Variants in RPS6KA4 observed in about 807,000 individuals in gnomAD.
RPS6KA4 encodes the protein ribosomal protein S6 kinase alpha-4.
A neutral mutation model predicts 89.6 loss-of-function variants in RPS6KA4; 38 were observed. The ratio of observed to expected loss-of-function variants is 0.42; its 90% CI spans 0.33 to 0.56. The LOEUF (loss-of-function observed/expected upper bound fraction) is 0.56. Ranked by LOEUF, RPS6KA4 falls within the 20% of genes least tolerant of loss-of-function variation. RPS6KA4 has a pLI of 0.07. For synonymous variants in RPS6KA4, 495 were observed against 492.8 expected (o/e 1.00, Z -0.06); for missense variants, 873 against 1,098.8 (o/e 0.79, Z 2.90).
chr11:64,369,782 C>CG lies in RPS6KA4; in HGVS notation c.1690dup (p.Val564GlyfsTer73). The CG allele has an allele frequency of 6.2e-7, 1 of 1,610,900 alleles. No individual in the cohort carries two copies. Among genetic ancestry groups the CG allele is most frequent in the Non-Finnish European group, 8.5e-7 (1 of 1,179,242 alleles). On this transcript the variant is annotated frameshift_variant, in exon 14 of 17. Coordinates refer to ENST00000334205, the MANE Select transcript of RPS6KA4 (RefSeq NM_003942.3). LOFTEE classifies it high-confidence loss of function. ...TCGCGCGGTTGCGGCCGCAGAGTCC[C>CG]GGGGTGCCCATGCAGACGCCCTGCT... is the stretch of plus-strand genomic sequence containing the variant.
rs766568715 is a variant in RPS6KA4, at chr11:64,368,176, C to T, written c.1116C>T (p.Asn372=). The T allele has an allele frequency of 5.0e-5, 80 of 1,613,606 alleles. No homozygotes were observed. The Admixed American group carries it at 1.3e-3, about 26-fold the overall frequency. The stretch of plus-strand genomic sequence containing the variant: ...CCTCCATTCTCTTTGACCACAACAA[C>T]GCGGTGATGACCGATGGGCTGGAAG... ...VAPSILFDHN[N]AVMTDGLEAP... is the part of the protein sequence containing the mutation. The change falls in exon 10 of 17, where the codon AAC becomes AAT. Residue 372 remains asparagine (N), a synonymous_variant. Coordinates refer to ENST00000334205, the MANE Select transcript of RPS6KA4 (RefSeq NM_003942.3).
chr11:64,371,312 C>T lies in RPS6KA4; in HGVS notation c.2151C>T (p.Phe717=). 5 of 1,612,846 alleles carry T rather than the reference C, an allele frequency of 3.1e-6. No homozygotes were observed. Among genetic ancestry groups the T allele is most frequent in the Non-Finnish European group, 4.2e-6 (5 of 1,179,938 alleles). Residue 717 remains phenylalanine, a synonymous_variant, in exon 17 of 17, where the codon TTC becomes TTT. Coordinates refer to ENST00000334205, the MANE Select transcript of RPS6KA4 (RefSeq NM_003942.3). ...TCAACCGGGGCAAGCGGGAGGGCTTCTTCCTGAAGAGCGTGGAGAATGCAC... is the reference window on the plus strand; with the variant it reads ...TCAACCGGGGCAAGCGGGAGGGCTTTTTCCTGAAGAGCGTGGAGAATGCAC... The part of the protein sequence containing the change: ...MAFNRGKREG[F]FLKSVENAPL...
intron 11 of RPS6KA4, 30 bp from the exon 12 acceptor site, chr11:64,368,674 G>A (rs1337173055): frequency 6.4e-7 from 1 of 1,573,940 alleles, no homozygotes; most frequent in Non-Finnish European, 8.6e-7. Context: ...GAAGCGCGGC[G>A]ACCGTAACTC....
chr11:64,362,915 C>T (rs2036792757), intron 8 of RPS6KA4, among the ~76,000 whole-genome samples: 1 of 152,208 alleles, frequency 6.6e-6, no homozygotes, highest in Non-Finnish European at 1.5e-5. Flanking sequence ...AAGTGATCCA[C>T]CTGCCTCATC....
rs765300511 is a variant in RPS6KA4 at position 64,369,793 on chromosome 11, T to C, written c.1697T>C (p.Met566Thr). 6.2e-7 allele frequency: 1 copy of C among 1,609,962 alleles called. No individual in the cohort carries two copies. Among genetic ancestry groups the C allele is most frequent in the Non-Finnish European group, 8.5e-7 (1 of 1,178,868 alleles). The stretch of plus-strand genomic sequence containing the variant: ...CGGCCGCAGAGTCCCGGGGTGCCCA[T>C]GCAGACGCCCTGCTTCACGCTGCAG... ...RLRPQSPGVPMQTPCFTLQYA... is the reference protein window; with the variant it reads ...RLRPQSPGVPTQTPCFTLQYA... The change falls in exon 14 of 17, where the codon ATG (methionine) becomes ACG (threonine). Residue 566 changes from methionine (M) to threonine (T), a missense_variant. Met to Thr is a moderately conservative substitution (Grantham distance 81). This residue lies in a region of RPS6KA4 where 542 missense variants were observed against 736.4 expected (regional missense o/e 0.74). Coordinates refer to ENST00000334205, the MANE Select transcript of RPS6KA4 (RefSeq NM_003942.3).
Position 64,368,470 on chromosome 11 carries a change from C to T in RPS6KA4, c.1203C>T (p.Asp401=). Residue 401 remains aspartate, a splice_region_variant and synonymous_variant, in exon 11 of 17, where the codon GAC becomes GAT. Transcript: ENST00000334205. ...TTCGCCTTCGCCTTCGCCTCCAGGA[C>T]TCGCCCTTCTTCCAGCAGTACGAGC... ...AAVARSAMMQ[D]SPFFQQYELD... The T allele has an allele frequency of 6.4e-7, 1 of 1,551,320 alleles. No individual in the cohort carries two copies. The highest frequency in any genetic ancestry group is 1.2e-5 in the South Asian group (1 of 84,176).
intron 9 of RPS6KA4, among the ~76,000 whole-genome samples, chr11:64,366,819 A>G (rs1024086749): frequency 6.6e-6 from 1 of 152,124 alleles, no homozygotes; most frequent in Non-Finnish European, 1.5e-5. Flanking sequence ...TGTGCAGTTT[A>G]TCATGTTGCC....
chr11:64,368,635 T>TGGCAGAGCGCTGTCCCGGGGGC (rs2036958014), intron 11 of RPS6KA4, 34 bp downstream of exon 11: 1 of 1,528,044 alleles, frequency 6.5e-7, no homozygotes, highest in African/African-American at 1.4e-5. Flanking sequence ...GGGGTGGGGG[T>TGGCAGAGCGCTGTCCCGGGGGC]GGCAGAGCGC....
rs2036732473 is a variant in RPS6KA4, at chr11:64,361,049, T to C, written c.463-85T>C. ...GGCAGATGACTTTCTCTGGGGGGTC[T>C]CCTTATCCTGAGCAGGGCCAGGAGC... On this transcript the variant is annotated intron_variant, in intron 4 of 16. Coordinates refer to ENST00000334205, the MANE Select transcript of RPS6KA4 (RefSeq NM_003942.3). The surrounding 1 kb of genome is among the most constrained non-coding windows in gnomAD (Gnocchi z 4.7). 1.8e-6 allele frequency: 2 copies of C among 1,124,780 alleles called. No individual in the cohort carries two copies. Among genetic ancestry groups the C allele is most frequent in the East Asian group, 4.9e-5 (2 of 40,700 alleles). The allele number at this position is 1,124,780 out of a possible 1,614,324, so 69.7% of individuals were successfully genotyped here.
At chr11:64,366,841 A>T (rs1228969763) in intron 9 of RPS6KA4, among the ~76,000 whole-genome samples, 2 of 152,180 alleles carry the variant, frequency 1.3e-5, no homozygotes, top group African/African-American at 4.8e-5. Context: ...TAATGATATT[A>T]TATCATTATC....
rs369353285 is a variant in RPS6KA4 at position 64,369,758 on chromosome 11, C to T, written c.1662C>T (p.Phe554=). 1.2e-6 allele frequency: 2 copies of T among 1,611,740 alleles called. No individual in the cohort carries two copies. The highest frequency in any genetic ancestry group is 1.7e-6 in the Non-Finnish European group (2 of 1,179,392). The change falls in exon 14 of 17, where the codon TTC becomes TTT. Residue 554 remains phenylalanine, a synonymous_variant. Transcript: ENST00000334205. ...GAPVKIIDFG[F]ARLRPQSPGV... ...CGGTGAAAATCATCGACTTCGGGTTCGCGCGGTTGCGGCCGCAGAGTCCCG... is the reference window on the plus strand; with the variant it reads ...CGGTGAAAATCATCGACTTCGGGTTTGCGCGGTTGCGGCCGCAGAGTCCCG...
intron 2 of RPS6KA4, chr11:64,359,754 A>C: frequency 7.6e-6 from 4 of 527,028 alleles, no homozygotes; most frequent in Non-Finnish European, 1.0e-5. Flanking sequence ...TTCTTCCAAT[A>C]TGGGATCCCC....
chr11:64,365,593 G>T, intron 9 of RPS6KA4, 128 bp downstream of exon 9: 1 of 980,996 alleles, frequency 1.0e-6, no homozygotes, highest in Admixed American at 2.8e-5. Flanking sequence ...TCCCCTAGAC[G>T]TCGCCACTTC....
Position 64,360,280 on chromosome 11 carries a change from C to G in RPS6KA4, c.245C>G (p.Thr82Arg), listed in dbSNP as rs1045275022. 6.5e-7 allele frequency: 1 copy of G among 1,547,384 alleles called. No individual in the cohort carries two copies. The change falls in exon 3 of 17, where the codon ACG becomes AGG. Residue 82 changes from threonine to arginine, a missense_variant. Thr to Arg is a moderately conservative substitution (Grantham distance 71). Around this residue, in one of 4 missense-constraint regions of RPS6KA4, gnomAD observed 542 missense variants for 736.4 expected, o/e 0.74. Transcript: ENST00000334205. ...LVQRAKTQEH[T>R]RTERSVLELV... ...CAGCGCGCCAAGACGCAAGAGCACA[C>G]GCGCACCGAGCGCTCGGTGCTGGAG...
rs1207520491 is a variant in RPS6KA4 at position 64,371,686 on chromosome 11, G to T, written c.*206G>T. 1 of 492,318 alleles carries T rather than the reference G, an allele frequency of 2.0e-6. No individual in the cohort carries two copies. Among genetic ancestry groups the T allele is most frequent in the East Asian group, 3.5e-5 (1 of 28,722 alleles). 30.5% of individuals were successfully genotyped at this position (492,318 alleles called of 1,614,324 possible). ...CCAGATAGAGTTGCAGGGAAGGGGG[G>T]GCCTGCTGGGGAGTGGGGTTTGGGG... On this transcript the variant is annotated 3_prime_UTR_variant, in exon 17 of 17. Coordinates refer to ENST00000334205, the MANE Select transcript of RPS6KA4 (RefSeq NM_003942.3).
chr11:64,364,426 C>T (rs1010561244), intron 8 of RPS6KA4, among the ~76,000 whole-genome samples: 16 of 152,014 alleles, frequency 1.1e-4, no homozygotes, highest in African/African-American at 3.9e-4. Flanking sequence ...TATATTGGTT[C>T]GTGGAATAAA....
intron 9 of RPS6KA4, 61 bp from the exon 10 acceptor site, chr11:64,368,069 GTC>G (rs3217512): frequency 0.36 from 574,213 of 1,580,348 alleles, 109,423 homozygotes; most frequent in Non-Finnish European, 0.39. Context: ...CCCCACCAGA[GTC>G]TCCTCACCCG....
Position 64,365,440 on chromosome 11 carries a change from C to T in RPS6KA4, c.1046C>T (p.Pro349Leu), listed in dbSNP as rs200447389. 1.9e-5 allele frequency: 30 copies of T among 1,613,838 alleles called. No homozygotes were observed. The highest frequency in any genetic ancestry group is 4.0e-5 in the African/African-American group (3 of 74,946). Reference protein sequence around the residue: ...EPVYSPPGSPPPGDPRIFQGY... With the variant: ...EPVYSPPGSPLPGDPRIFQGY... Reference sequence around the variant, plus strand: ...GTCTACTCACCCCCTGGCAGCCCCCCACCTGGGGACCCCCGAATCTTTCAG... The same window carrying T: ...GTCTACTCACCCCCTGGCAGCCCCCTACCTGGGGACCCCCGAATCTTTCAG... Residue 349 changes from proline to leucine, a missense_variant, in exon 9 of 17, where the codon CCA becomes CTA. Physicochemically the swap from Pro to Leu is moderately conservative, Grantham distance 98 (BLOSUM62 -3). This residue lies in a region of RPS6KA4 where 542 missense variants were observed against 736.4 expected (regional missense o/e 0.74). Coordinates refer to ENST00000334205, the MANE Select transcript of RPS6KA4 (RefSeq NM_003942.3).
In RPS6KA4 at chr11:64,361,876, C is replaced by T; in HGVS notation, c.780C>T (p.Pro260=). 1 of 1,612,898 alleles carries T rather than the reference C, an allele frequency of 6.2e-7. No homozygotes were observed. Among genetic ancestry groups the T allele is most frequent in the Non-Finnish European group, 8.5e-7 (1 of 1,179,846 alleles). The part of the protein sequence containing the change: ...VSRRILKCSP[P]FPPRIGPVAQ... ...GACGGATCCTGAAGTGCTCCCCTCC[C>T]TTCCCCCCTCGGATCGGGCCCGTGG... is the stretch of plus-strand genomic sequence containing the variant. The change falls in exon 8 of 17, where the codon CCC becomes CCT. Residue 260 remains proline (P), a synonymous_variant. Transcript: ENST00000334205. This position sits in a 1 kb window ranked among gnomAD's most constrained non-coding sequence, Gnocchi z 4.7.
Sources: gnomAD v4.1 joint callset for allele counts (sites outside exome capture counted in the v4.1 genomes callset) on GRCh38, gnomAD v4.1.1 for gene constraint, gnomAD v4.1.1 regional missense constraint, Gnocchi (gnomAD v3.1) non-coding constraint, MANE v1.5 for transcripts, NCBI Gene and HGNC (gene_info 2026-07-23, HGNC 2026-07-21) for gene names.